The following RUNX3 variants were observed in gnomAD, a reference collection of about 807,000 sequenced individuals.
The protein encoded by RUNX3 is runt-related transcription factor 3.
In RUNX3, 10 loss-of-function variants were observed where a neutral mutation model predicts 27.7. The ratio of observed to expected loss-of-function variants is 0.36; its 90% confidence interval spans 0.22 to 0.61. The LOEUF is 0.61. Among genes scored for constraint, RUNX3 ranks in the 20% least tolerant of loss-of-function variants. The pLI, the probability that RUNX3 is intolerant of heterozygous loss-of-function variation, is 0.72. For missense variants in RUNX3, 469 were observed against 629.5 expected, an observed-to-expected ratio of 0.75 and a Z score of 2.73; for synonymous variants, 270 against 269.2, an observed-to-expected ratio of 1.00 and a Z score of -0.03.
In RUNX3 at chr1:24,916,798, G is replaced by A. The variant is rs930085161; in HGVS notation, c.544+2442C>T. ...TAAAACCACTGATCCAGCCGCTGCC[G>A]GGGCCCAGAGAGGGAGGTCACCTGT... On this transcript the variant is annotated intron_variant, in intron 3 of 4. Coordinates refer to ENST00000308873, the MANE Select transcript of RUNX3 (RefSeq NM_004350.3). This position sits in a 1 kb window ranked among gnomAD's most constrained non-coding sequence, Gnocchi z 4.8. Among the ~76,000 whole-genome samples, 1 of 152,146 alleles carries A rather than the reference G, an allele frequency of 6.6e-6. No individual in the cohort carries two copies. Among genetic ancestry groups the A allele is most frequent in the Non-Finnish European group, 1.5e-5 (1 of 68,016 alleles).
intron 2 of RUNX3, among the ~76,000 whole-genome samples, chr1:24,950,785 G>A (rs974211175): frequency 3.3e-5 from 5 of 152,200 alleles, no homozygotes; most frequent in African/African-American, 1.2e-4. Flanking sequence ...CCATGCCCGG[G>A]CAGTAGGCCT....
At chr1:24,925,139 A>C (rs1003984853) in intron 2 of RUNX3, among the ~76,000 whole-genome samples, 1 of 152,152 alleles carries the variant, frequency 6.6e-6, no homozygotes, top group Admixed American at 6.5e-5. Flanking sequence ...CCCATCTCCT[A>C]AAGTGGCCCA....
rs1344738522 is a variant in RUNX3 at position 24,929,869 on chromosome 1, A to G, written c.-1T>C. 3 of 1,296,776 alleles carry G rather than the reference A, an allele frequency of 2.3e-6. No homozygotes were observed. The highest frequency in any genetic ancestry group is 2.4e-5 in the South Asian group (1 of 41,398). The allele number at this position is 1,296,776 out of a possible 1,614,324, so 80.3% of individuals were successfully genotyped here. On this transcript the variant is annotated 5_prime_UTR_variant, in exon 1 of 5. Coordinates refer to ENST00000308873, the MANE Select transcript of RUNX3 (RefSeq NM_004350.3). ...TGCTTGGGTCTACGGGAATACGCATAACAGCGGCCGTCAGGGCGCCGGGCA... is the reference window on the plus strand; with the variant it reads ...TGCTTGGGTCTACGGGAATACGCATGACAGCGGCCGTCAGGGCGCCGGGCA...
At chr1:24,910,956 GGGA>G (rs1200652182) in intron 3 of RUNX3, among the ~76,000 whole-genome samples, 1 of 152,232 alleles carries the variant, frequency 6.6e-6, no homozygotes, top group African/African-American at 2.4e-5. Context: ...GGAGCGGATG[GGGA>G]GGAGATGCCT....
upstream of RUNX3, among the ~76,000 whole-genome samples, chr1:24,931,393 AC>A (rs1485214652): frequency 6.6e-6 from 1 of 151,696 alleles, no homozygotes; most frequent in Non-Finnish European, 1.5e-5. Flanking sequence ...ACTGCAAATC[AC>A]CCCTTCCTCT....
At chr1:24,944,766 G>A (rs996307539) in intron 2 of RUNX3, among the ~76,000 whole-genome samples, 2 of 152,204 alleles carry the variant, frequency 1.3e-5, no homozygotes, top group Non-Finnish European at 2.9e-5. Context: ...AAAGCAGACA[G>A]CCTTTAGGAG....
chr1:24,949,714 C>T (rs964772935), intron 2 of RUNX3, among the ~76,000 whole-genome samples: 9 of 152,268 alleles, frequency 5.9e-5, no homozygotes, highest in East Asian at 1.9e-4. Context: ...CTATCATCCA[C>T]GCGGCCTGGG....
intron 2 of RUNX3, among the ~76,000 whole-genome samples, chr1:24,942,701 C>G (rs942717848): frequency 6.6e-6 from 1 of 152,222 alleles, no homozygotes; most frequent in African/African-American, 2.4e-5. Context: ...CCCTTTCTCT[C>G]TGTTGCTTCT....
chr1:24,911,333 C>T (rs1640792158), intron 3 of RUNX3, among the ~76,000 whole-genome samples: 2 of 152,206 alleles, frequency 1.3e-5, no homozygotes, highest in South Asian at 4.1e-4. Context: ...TTCTGAGTCA[C>T]ACCATGTACA....
Position 24,929,586 on chromosome 1 carries a change from C to A in RUNX3, c.282+1G>T. ...CCTCCCGCCCCGGGTCCCGCACTCA[C>A]CTTGAAGGCGACGGGCAGCGTCTTG... On this transcript the variant is annotated splice_donor_variant, in intron 1 of 4. Coordinates refer to ENST00000308873, the MANE Select transcript of RUNX3 (RefSeq NM_004350.3). LOFTEE classifies it high-confidence loss of function. 6.2e-7 allele frequency: 1 copy of A among 1,605,156 alleles called. No individual in the cohort carries two copies.
At chr1:24,947,826 C>A (rs1298056629) in intron 2 of RUNX3, among the ~76,000 whole-genome samples, 1 of 152,220 alleles carries the variant, frequency 6.6e-6, no homozygotes, top group Non-Finnish European at 1.5e-5. Context: ...TGGCCCCTGT[C>A]TGCCAGGCGA....
chr1:24,929,787 TGCCGCC>T lies in RUNX3; in HGVS notation c.76_81del (p.Gly26_Gly27del). 2 of 1,432,344 alleles carry T rather than the reference TGCCGCC, an allele frequency of 1.4e-6. No individual in the cohort carries two copies. The highest frequency in any genetic ancestry group is 1.8e-6 in the Non-Finnish European group (2 of 1,101,280). 88.7% of individuals were successfully genotyped at this position (1,432,344 alleles called of 1,614,324 possible). A position where few individuals can be genotyped will look rare whatever the true frequency, so the allele number is the denominator to read the frequency against. On this transcript the variant is annotated inframe_deletion, in exon 1 of 5. Coordinates refer to ENST00000308873, the MANE Select transcript of RUNX3 (RefSeq NM_004350.3). Reference sequence around the variant, plus strand: ...AGCGCGCCGCTGTTCTCGCCCATCTTGCCGCCGCCGCCGCCGCAGGGGAAGGCCGGG... The same window carrying T: ...AGCGCGCCGCTGTTCTCGCCCATCTTGCCGCCGCCGCAGGGGAAGGCCGGG...
intron 2 of RUNX3, among the ~76,000 whole-genome samples, chr1:24,925,626 T>C (rs915806085): frequency 2.0e-5 from 3 of 152,118 alleles, no homozygotes; most frequent in East Asian, 1.9e-4. Flanking sequence ...GGGTGGCTGA[T>C]ACTAGAATGC....
rs1192429058 is a variant in RUNX3, at chr1:24,930,031, G to T, written c.-163C>A. The T allele has an allele frequency of 3.1e-6, 3 of 981,280 alleles. No individual in the cohort carries two copies. In the African/African-American group the frequency reaches 5.3e-5, roughly 17 times the overall value. 60.8% of individuals were successfully genotyped at this position (981,280 alleles called of 1,614,324 possible). ...AGGGGGCGGCGCCCGGCCACTACTCGCCAGGGCCCGCCCGCTGCGAGGCCT... is the reference window on the plus strand; with the variant it reads ...AGGGGGCGGCGCCCGGCCACTACTCTCCAGGGCCCGCCCGCTGCGAGGCCT... On this transcript the variant is annotated 5_prime_UTR_variant, in exon 1 of 5. Transcript: ENST00000308873. The surrounding 1 kb of genome is among the most constrained non-coding windows in gnomAD (Gnocchi z 4.1).
chr1:24,913,293 C>T (rs1640828844), intron 3 of RUNX3, among the ~76,000 whole-genome samples: 1 of 152,234 alleles, frequency 6.6e-6, no homozygotes, highest in South Asian at 2.1e-4. Flanking sequence ...CTATGACCCT[C>T]ACTTATGGGA....
At position 24,916,662 on chromosome 1, in the gene RUNX3, G is replaced by A. The variant is rs1287718802; in HGVS notation, c.544+2578C>T. On this transcript the variant is annotated intron_variant, in intron 3 of 4. Transcript: ENST00000308873. This position sits in a 1 kb window ranked among gnomAD's most constrained non-coding sequence, Gnocchi z 4.8. ...GTGGGGCTGCAACCCAGGGTATGGGGGGGGACCTGATCTCAGGGCCAGGAT... is the reference window on the plus strand; with the variant it reads ...GTGGGGCTGCAACCCAGGGTATGGGAGGGGACCTGATCTCAGGGCCAGGAT... Among the ~76,000 whole-genome samples, 3 of 152,142 alleles carry A rather than the reference G, an allele frequency of 2.0e-5. No individual in the cohort carries two copies. Among genetic ancestry groups the A allele is most frequent in the Non-Finnish European group, 4.4e-5 (3 of 68,012 alleles).
upstream of RUNX3, among the ~76,000 whole-genome samples, chr1:24,932,637 A>G (rs1202402175): frequency 6.6e-6 from 1 of 152,148 alleles, no homozygotes; most frequent in Non-Finnish European, 1.5e-5. Flanking sequence ...TCGCGTTTTC[A>G]GGCACCCGGG....
At chr1:24,931,540 G>A (rs1195384034), upstream of RUNX3, among the ~76,000 whole-genome samples, 1 of 152,196 alleles carries the variant, frequency 6.6e-6, no homozygotes, top group East Asian at 1.9e-4. Flanking sequence ...CGCGTGCTGA[G>A]CCTCCCCGCC....
intron 2 of RUNX3, among the ~76,000 whole-genome samples, chr1:24,921,063 ACCT>A (rs1640990157): frequency 6.6e-6 from 1 of 151,992 alleles, no homozygotes; most frequent in Admixed American, 6.5e-5. Context: ...TCGCACTCTC[ACCT>A]GTACCCCAGG....
Sources: allele counts gnomAD v4.1 joint callset (sites outside exome capture counted in the v4.1 genomes callset), GRCh38; gene constraint gnomAD v4.1.1; non-coding constraint Gnocchi (gnomAD v3.1); transcripts MANE v1.5; gene names NCBI Gene and HGNC (gene_info 2026-07-23, HGNC 2026-07-21).